PTPRC: variants seen among roughly 807,000 people sequenced by gnomAD.
The protein encoded by PTPRC is protein tyrosine phosphatase receptor type C.
PTPRC carries 44 observed loss-of-function variants against 155.9 expected under a neutral mutation model. The observed-to-expected ratio is 0.28, with a 90% CI of 0.22 to 0.36. The LOEUF (loss-of-function observed/expected upper bound fraction) is 0.36, where lower values mean the gene tolerates loss of function less well. Among genes scored for constraint, PTPRC ranks in the 10% least tolerant of loss-of-function variants. PTPRC has a pLI of 1.00. For missense variants in PTPRC, 1,401 were observed against 1,564.6 expected, an observed-to-expected ratio of 0.90 and a Z score of 1.76; for synonymous variants, 525 against 533.1, an observed-to-expected ratio of 0.98 and a Z score of 0.21.
chr1:198,697,259 A>C (rs966548525), intron 4 of PTPRC, among the ~76,000 whole-genome samples: 2 of 152,178 alleles, frequency 1.3e-5, no homozygotes, highest in Admixed American at 6.5e-5. Context: ...AGAGATTATC[A>C]GTTCTACTCT....
At chr1:198,667,564 G>C (rs1664394107) in intron 2 of PTPRC, among the ~76,000 whole-genome samples, 1 of 152,214 alleles carries the variant, frequency 6.6e-6, no homozygotes, top group Non-Finnish European at 1.5e-5. Context: ...CAATAAAGGA[G>C]TAGGTGGCAC....
chr1:198,703,406 C>G (rs1209759716), intron 7 of PTPRC, 34 bp downstream of exon 7: 1 of 1,609,576 alleles, frequency 6.2e-7, no homozygotes, highest in Non-Finnish European at 8.5e-7. Context: ...GCCACACCAT[C>G]CCCATGTGCC....
intron 2 of PTPRC, among the ~76,000 whole-genome samples, chr1:198,662,120 G>C (rs1309249007): frequency 1.3e-5 from 2 of 151,976 alleles, no homozygotes; most frequent in Non-Finnish European, 2.9e-5. Flanking sequence ...CCAGATTTAG[G>C]CAAGGCACTT....
In PTPRC at chr1:198,752,274, A is replaced by G; in HGVS notation, c.3233A>G (p.Glu1078Gly). 1.9e-6 allele frequency: 3 copies of G among 1,611,792 alleles called. No individual in the cohort carries two copies. The highest frequency in any genetic ancestry group is 2.5e-6 in the Non-Finnish European group (3 of 1,178,328). ...DQEICAQYWG[E>G]GKQTYGDIEV... ...GAAATCTGTGCTCAGTACTGGGGAGAAGGAAAGCAAACATATGGAGATATT... is the reference window on the plus strand; with the variant it reads ...GAAATCTGTGCTCAGTACTGGGGAGGAGGAAAGCAAACATATGGAGATATT... Residue 1078 changes from glutamate (E) to glycine (G), a missense_variant, in exon 30 of 33, where the codon GAA becomes GGA. Physicochemically the swap from Glu to Gly is moderately conservative, Grantham distance 98. This residue lies in a region of PTPRC where 400 missense variants were observed against 389.5 expected (regional missense o/e 1.03). Transcript: ENST00000442510.
intron 20 of PTPRC, 130 bp downstream of exon 20, chr1:198,732,686 AATT>A (rs926353612): frequency 1.5e-6 from 1 of 687,396 alleles, no homozygotes; most frequent in African/African-American, 1.8e-5. Context: ...ATAAACAAAA[AATT>A]ATCAATATTA....
intron 2 of PTPRC, among the ~76,000 whole-genome samples, chr1:198,642,131 T>G (rs1485389683): frequency 1.3e-5 from 2 of 152,034 alleles, no homozygotes; most frequent in Non-Finnish European, 2.9e-5. Context: ...GGGCCTATAT[T>G]ATCTTTTTCT....
Position 198,732,525 on chromosome 1 carries a change from G to C in PTPRC, c.2111G>C (p.Gly704Ala). ...VELSEINGDA[G>A]SNYINASYID... Reference sequence around the variant, plus strand: ...CTCTCTGAGATAAACGGAGATGCAGGGTCAAACTACATAAATGCCAGCTAT... The same window carrying C: ...CTCTCTGAGATAAACGGAGATGCAGCGTCAAACTACATAAATGCCAGCTAT... Residue 704 changes from glycine to alanine, a missense_variant, in exon 20 of 33, where the codon GGG becomes GCG. Gly to Ala is a moderately conservative substitution (Grantham distance 60). Transcript: ENST00000442510. The C allele has an allele frequency of 6.2e-7, 1 of 1,610,486 alleles. No individual in the cohort carries two copies. Among genetic ancestry groups the C allele is most frequent in the Non-Finnish European group, 8.5e-7 (1 of 1,178,326 alleles).
Position 198,752,724 on chromosome 1 carries a change from C to G in PTPRC, c.3461C>G (p.Ser1154Cys), listed in dbSNP as rs745452331. ...CAAAAACTTCCCCAGAAGAATTCCT[C>G]TGAAGGGAACAAGCATCACAAGAGT... ...VKQKLPQKNS[S>C]EGNKHHKSTP... The change falls in exon 31 of 33, where the codon TCT (serine) becomes TGT (cysteine). Residue 1154 changes from serine to cysteine, a missense_variant. Physicochemically the swap from Ser to Cys is moderately radical, Grantham distance 112. Transcript: ENST00000442510. 2 of 1,612,924 alleles carry G rather than the reference C, an allele frequency of 1.2e-6. No homozygotes were observed. The highest frequency in any genetic ancestry group is 2.2e-5 in the South Asian group (2 of 91,072).
chr1:198,693,879 G>A, intron 3 of PTPRC: 39 of 1,098,690 alleles, frequency 3.5e-5, no homozygotes, highest in Non-Finnish European at 4.7e-5. Flanking sequence ...GTAATCTTTA[G>A]GAATGCTACT....
chr1:198,677,934 C>T (rs1665057004), intron 2 of PTPRC, among the ~76,000 whole-genome samples: 3 of 151,378 alleles, frequency 2.0e-5, no homozygotes, highest in Admixed American at 2.0e-4. Flanking sequence ...TTTTTTTTTC[C>T]ACACAGGGAT....
chr1:198,671,899 G>C (rs1416426358), intron 2 of PTPRC, among the ~76,000 whole-genome samples: 1 of 152,112 alleles, frequency 6.6e-6, no homozygotes, highest in African/African-American at 2.4e-5. Context: ...CCACAGCTTT[G>C]ATTTGGGCCA....
At chr1:198,753,675 G>A (rs1271146995) in intron 31 of PTPRC, among the ~76,000 whole-genome samples, 1 of 151,978 alleles carries the variant, frequency 6.6e-6, no homozygotes, top group Non-Finnish European at 1.5e-5. Context: ...AAAGTGTCCT[G>A]CTGATAACAT....
At chr1:198,689,764 C>T (rs1665826629) in intron 2 of PTPRC, among the ~76,000 whole-genome samples, 1 of 152,152 alleles carries the variant, frequency 6.6e-6, no homozygotes. Flanking sequence ...CTCTTTGCTA[C>T]AGCTATTTCT....
chr1:198,752,886 T>G (rs1299832569), intron 31 of PTPRC, 114 bp downstream of exon 31: 10 of 1,150,026 alleles, frequency 8.7e-6, no homozygotes, highest in Non-Finnish European at 1.1e-5. Context: ...CAGTAAAAAC[T>G]TCTTATGGAG....
intron 2 of PTPRC, among the ~76,000 whole-genome samples, chr1:198,675,946 G>A (rs1664930116): frequency 6.6e-6 from 1 of 152,134 alleles, no homozygotes; most frequent in Non-Finnish European, 1.5e-5. Context: ...ACCTTAGACT[G>A]TACCTCAAGA....
chr1:198,639,941 T>G (rs912026131), intron 2 of PTPRC, among the ~76,000 whole-genome samples: 1 of 152,074 alleles, frequency 6.6e-6, no homozygotes, highest in African/African-American at 2.4e-5. Context: ...AGTTTTTAGT[T>G]TCTTGTTAAT....
chr1:198,679,064 A>G (rs1235263118), intron 2 of PTPRC: 2 of 174,180 alleles, frequency 1.1e-5, no homozygotes, highest in African/African-American at 2.4e-5. Flanking sequence ...GAAATCTATT[A>G]TACATGCAAC....
intron 14 of PTPRC, 115 bp downstream of exon 14, chr1:198,718,417 TAATG>T: frequency 1.1e-6 from 1 of 898,296 alleles, no homozygotes; most frequent in Non-Finnish European, 1.8e-6. Flanking sequence ...CTCTGATGTG[TAATG>T]GAATCACACT....
At chr1:198,742,631 C>CA (rs1305665827) in intron 25 of PTPRC, among the ~76,000 whole-genome samples, 1 of 151,238 alleles carries the variant, frequency 6.6e-6, no homozygotes, top group Non-Finnish European at 1.5e-5. Context: ...ATCAGATTGG[C>CA]AAAAAAAGTA....
Sources: allele counts gnomAD v4.1 joint callset (sites outside exome capture counted in the v4.1 genomes callset), GRCh38; gene constraint gnomAD v4.1.1; regional missense constraint gnomAD v4.1.1; transcripts MANE v1.5; gene names NCBI Gene and HGNC (gene_info 2026-07-23, HGNC 2026-07-21).